HDAC4: variants seen among roughly 807,000 people sequenced by gnomAD.
HDAC4 encodes the protein histone deacetylase A.
HDAC4 carries 16 observed loss-of-function variants against 135.1 expected under a neutral mutation model. The observed-to-expected ratio is 0.12, with a 90% CI of 0.08 to 0.18. The LOEUF is 0.18. Ranked by LOEUF, HDAC4 falls within the 10% of genes least tolerant of loss-of-function variation. The probability of loss-of-function intolerance (pLI) is 1.00; values close to 1 mark genes in which losing one functional copy is unlikely to be tolerated. For synonymous variants in HDAC4, 685 were observed against 653.4 expected, an observed-to-expected ratio of 1.05 and a Z score of -0.74; for missense variants, 1,143 against 1,511.8, an observed-to-expected ratio of 0.76 and a Z score of 4.05.
Position 239,352,714 on chromosome 2 carries a change from A to G in HDAC4, c.-15T>C. ...TGGGAGCTCATTGCTAGCAATGTCC[A>G]CTCCTTTAAGTGATTCGAAATGGCT... is the stretch of plus-strand genomic sequence containing the variant. On this transcript the variant is annotated 5_prime_UTR_variant, in exon 2 of 27. Coordinates refer to ENST00000543185, the MANE Select transcript of HDAC4 (RefSeq NM_001378414.1). This position sits in a 1 kb window ranked among gnomAD's most constrained non-coding sequence, Gnocchi z 4.4. 5 of 1,556,028 alleles carry G rather than the reference A, an allele frequency of 3.2e-6. 1 individual carries two copies. In the South Asian group the frequency reaches 3.6e-5, roughly 11 times the overall value.
At position 239,126,608 on chromosome 2, in the gene HDAC4, G is replaced by C. The variant is rs776710804; in HGVS notation, c.1381C>G (p.Leu461Val). 1.2e-6 allele frequency: 2 copies of C among 1,613,998 alleles called. No homozygotes were observed. The highest frequency in any genetic ancestry group is 1.7e-6 in the Non-Finnish European group (2 of 1,179,994). ...ADRVSPSIHK[L>V]RQHRPLGRTQ... ...CGCCCCAGTGGGCGGTGCTGCCGCA[G>C]CTTGTGGATGGAGGGGGACACCCGG... The change falls in exon 12 of 27, where the codon CTG becomes GTG. Residue 461 changes from leucine to valine, a missense_variant. Around this residue, in one of 9 missense-constraint regions of HDAC4, gnomAD observed 272 missense variants for 309.7 expected, o/e 0.88. Coordinates refer to ENST00000543185, the MANE Select transcript of HDAC4 (RefSeq NM_001378414.1).
intron 1 of HDAC4, among the ~76,000 whole-genome samples, chr2:239,378,085 C>T (rs551888241): frequency 7.3e-4 from 111 of 152,282 alleles, no homozygotes; most frequent in Admixed American, 3.0e-3. Context: ...ACTCAGCCAA[C>T]ATCCGGGGAA....
chr2:239,289,730 C>T (rs1482205734), intron 2 of HDAC4, among the ~76,000 whole-genome samples: 2 of 152,230 alleles, frequency 1.3e-5, no homozygotes, highest in African/African-American at 4.8e-5. Flanking sequence ...GAGAGCACCC[C>T]CCAAAGTCCC....
intron 7 of HDAC4, among the ~76,000 whole-genome samples, chr2:239,152,854 G>A (rs1416492314): frequency 6.6e-6 from 1 of 152,230 alleles, no homozygotes; most frequent in African/African-American, 2.4e-5. Flanking sequence ...ACAGCGTAGA[G>A]AAACAAGAGC....
chr2:239,307,552 C>T lies in HDAC4; in HGVS notation c.22+45126G>A, dbSNP rs142711662. Among the ~76,000 whole-genome samples, 347 of 152,316 alleles carry T rather than the reference C, an allele frequency of 2.3e-3. 1 individual carries two copies. The highest frequency in any genetic ancestry group is 7.6e-3 in the African/African-American group (317 of 41,574). The stretch of plus-strand genomic sequence containing the variant: ...CATCTCTGCAGCTCCGTCCTCTCAC[C>T]TAGATAAAGTGAGTGTCTGCTTCCT... On this transcript the variant is annotated intron_variant, in intron 2 of 26. Coordinates refer to ENST00000543185, the MANE Select transcript of HDAC4 (RefSeq NM_001378414.1). The surrounding 1 kb of genome is among the most constrained non-coding windows in gnomAD (Gnocchi z 4.8).
Position 239,141,221 on chromosome 2 carries a change from C to T in HDAC4, c.866-1425G>A, listed in dbSNP as rs1559501870. The stretch of plus-strand genomic sequence containing the variant: ...CCTCCTCTGTTGACCACGCTGCCCA[C>T]CAGGAACACCCTGGGAACATCTTGC... On this transcript the variant is annotated intron_variant, in intron 8 of 26. Transcript: ENST00000543185. This position sits in a 1 kb window ranked among gnomAD's most constrained non-coding sequence, Gnocchi z 4.9. 6.6e-6 allele frequency among the ~76,000 whole-genome samples: 1 copy of T among 152,160 alleles called. No individual in the cohort carries two copies. The highest frequency in any genetic ancestry group is 1.5e-5 in the Non-Finnish European group (1 of 68,034).
At chr2:239,401,162 C>T (rs1696970273), upstream of HDAC4, among the ~76,000 whole-genome samples, 1 of 151,842 alleles carries the variant, frequency 6.6e-6, no homozygotes, top group Non-Finnish European at 1.5e-5. Context: ...ATGAAGAGCT[C>T]GTCAATTACG....
At chr2:239,327,668 C>T (rs376077337) in intron 2 of HDAC4, among the ~76,000 whole-genome samples, 2 of 152,364 alleles carry the variant, frequency 1.3e-5, no homozygotes, top group Non-Finnish European at 2.9e-5. Context: ...CTTCTGCCTA[C>T]AGGGCTTTCC....
At chr2:239,259,230 A>G (rs1287847516) in intron 2 of HDAC4, among the ~76,000 whole-genome samples, 1 of 152,184 alleles carries the variant, frequency 6.6e-6, no homozygotes, top group East Asian at 1.9e-4. Context: ...GGGCTGATCA[A>G]TTGAGCTCAG....
chr2:239,102,729 A>G (rs1409374181), intron 16 of HDAC4, 47 bp downstream of exon 16: 1 of 1,610,390 alleles, frequency 6.2e-7, no homozygotes, highest in African/African-American at 1.3e-5. Flanking sequence ...ACACAACCTC[A>G]GGGGACTTCA....
intron 7 of HDAC4, among the ~76,000 whole-genome samples, chr2:239,149,382 A>AAAT (rs1462945254): frequency 1.3e-5 from 2 of 151,722 alleles, no homozygotes; most frequent in East Asian, 1.9e-4. Context: ...CAAAATAAAT[A>AAAT]AATAAATAAA....
chr2:239,282,949 A>G (rs954965012), intron 2 of HDAC4, among the ~76,000 whole-genome samples: 7 of 150,968 alleles, frequency 4.6e-5, no homozygotes, highest in Non-Finnish European at 8.8e-5. Context: ...CAATGTACAC[A>G]CCACTCTACA....
intron 2 of HDAC4, among the ~76,000 whole-genome samples, chr2:239,346,754 A>G (rs1462684662): frequency 6.8e-6 from 1 of 146,144 alleles, no homozygotes; most frequent in Non-Finnish European, 1.5e-5. Context: ...TGACACACAC[A>G]CCCTGTCTAA....
intron 2 of HDAC4, among the ~76,000 whole-genome samples, chr2:239,338,644 G>A (rs1692100072): frequency 2.6e-5 from 4 of 152,278 alleles, no homozygotes; most frequent in South Asian, 4.1e-4. Flanking sequence ...ATTTTTCTAA[G>A]GGAGTTCTCC....
intron 3 of HDAC4, among the ~76,000 whole-genome samples, chr2:239,202,941 G>A (rs967744220): frequency 7.2e-5 from 11 of 152,180 alleles, no homozygotes; most frequent in African/African-American, 2.4e-4. Flanking sequence ...TGTCCACGCC[G>A]CCTGAGCAGC....
intron 2 of HDAC4, among the ~76,000 whole-genome samples, chr2:239,279,496 G>A (rs2050583431): frequency 6.6e-6 from 1 of 152,224 alleles, no homozygotes; most frequent in African/African-American, 2.4e-5. Context: ...CCGTCTCTCT[G>A]CCTCTGAAGT....
chr2:239,247,389 C>T (rs554133402), intron 2 of HDAC4, among the ~76,000 whole-genome samples: 1 of 152,328 alleles, frequency 6.6e-6, no homozygotes, highest in South Asian at 2.1e-4. Context: ...TCCCCCCTGT[C>T]GAGTGGAGAC....
chr2:239,199,257 C>T (rs75779402), intron 3 of HDAC4, among the ~76,000 whole-genome samples: 3,796 of 152,004 alleles, frequency 0.025, 168 homozygotes, highest in African/African-American at 0.087. Flanking sequence ...TCAGAGGCAG[C>T]TTAGACTTCC....
At chr2:239,128,033 G>A (rs550246122) in intron 11 of HDAC4, among the ~76,000 whole-genome samples, 5 of 152,194 alleles carry the variant, frequency 3.3e-5, no homozygotes, top group Non-Finnish European at 7.3e-5. Context: ...AACCCAGCAA[G>A]ACCCCAGCAA....
Sources: allele counts gnomAD v4.1 joint callset (sites outside exome capture counted in the v4.1 genomes callset), GRCh38; gene constraint gnomAD v4.1.1; regional missense constraint gnomAD v4.1.1; non-coding constraint Gnocchi (gnomAD v3.1); transcripts MANE v1.5; gene names NCBI Gene and HGNC (gene_info 2026-07-23, HGNC 2026-07-21).